Variants in EBF1 observed in about 807,000 individuals in gnomAD.
The protein encoded by EBF1 is transcription factor COE1.
A neutral mutation model predicts 68.4 loss-of-function variants in EBF1; 10 were observed. The observed-to-expected ratio is 0.15, with a 90% confidence interval of 0.09 to 0.25. The LOEUF (loss-of-function observed/expected upper bound fraction) is 0.25, where lower values mean the gene tolerates loss of function less well. EBF1 is among the 10% of genes least tolerant of loss of function. The pLI is 1.00. For synonymous variants in EBF1, 298 were observed against 299.8 expected (o/e 0.99, Z 0.06); for missense variants, 509 against 794.4 (o/e 0.64, Z 4.32).
chr5:158,733,432 G>A (rs1404137950), intron 10 of EBF1, among the ~76,000 whole-genome samples: 2 of 152,156 alleles, frequency 1.3e-5, no homozygotes, highest in African/African-American at 4.8e-5. Flanking sequence ...ATGACTGTCT[G>A]ATGTATGGCG....
At chr5:158,862,914 T>A (rs1036345681) in intron 6 of EBF1, among the ~76,000 whole-genome samples, 17 of 152,218 alleles carry the variant, frequency 1.1e-4, no homozygotes, top group African/African-American at 3.9e-4. Flanking sequence ...CTTGAACGAT[T>A]GAATTCTACA....
intron 6 of EBF1, among the ~76,000 whole-genome samples, chr5:159,050,776 A>G (rs1000123853): frequency 1.3e-5 from 2 of 152,220 alleles, no homozygotes; most frequent in African/African-American, 4.8e-5. Flanking sequence ...GCAAACTCAG[A>G]AGAAACCCAG....
chr5:159,066,479 T>C (rs924488433), intron 6 of EBF1, among the ~76,000 whole-genome samples: 1 of 152,178 alleles, frequency 6.6e-6, no homozygotes, highest in African/African-American at 2.4e-5. Flanking sequence ...ATTTCATAGA[T>C]GGAACGCCAA....
At chr5:158,708,195 G>A (rs1230781145) in intron 14 of EBF1, 22 bp from the exon 15 acceptor site, 2 of 1,559,454 alleles carry the variant, frequency 1.3e-6, no homozygotes, top group Non-Finnish European at 1.7e-6. Context: ...AATGAGAAAG[G>A]AGAAATCAGT....
At chr5:158,772,704 T>C (rs983767915) in intron 10 of EBF1, among the ~76,000 whole-genome samples, 1 of 152,140 alleles carries the variant, frequency 6.6e-6, no homozygotes, top group African/African-American at 2.4e-5. Flanking sequence ...CCAAAAGACA[T>C]TTCTTAGATT....
At chr5:158,876,206 C>A (rs1797783517) in intron 6 of EBF1, among the ~76,000 whole-genome samples, 1 of 152,172 alleles carries the variant, frequency 6.6e-6, no homozygotes, top group Non-Finnish European at 1.5e-5. Context: ...CAAGTATTTA[C>A]AGTGAGCTTG....
intron 10 of EBF1, among the ~76,000 whole-genome samples, chr5:158,774,732 G>A (rs1275650426): frequency 6.6e-6 from 1 of 152,112 alleles, no homozygotes; most frequent in Non-Finnish European, 1.5e-5. Flanking sequence ...GAGGTAAACT[G>A]AGTAAATCAC....
chr5:159,071,576 G>A (rs1208333853), intron 6 of EBF1, among the ~76,000 whole-genome samples: 1 of 152,130 alleles, frequency 6.6e-6, no homozygotes, highest in Non-Finnish European at 1.5e-5. Context: ...CAGGGGCCGG[G>A]CTAATTACAG....
chr5:158,803,048 A>G (rs1173034020), intron 8 of EBF1, among the ~76,000 whole-genome samples: 1 of 152,164 alleles, frequency 6.6e-6, no homozygotes, highest in Non-Finnish European at 1.5e-5. Flanking sequence ...TGTTTTTTTA[A>G]GGATCTCATT....
chr5:159,035,263 C>T (rs1189200334), intron 6 of EBF1, among the ~76,000 whole-genome samples: 2 of 151,658 alleles, frequency 1.3e-5, no homozygotes, highest in Non-Finnish European at 2.9e-5. Flanking sequence ...CTCTAAATCA[C>T]CAAAAATTTT....
At chr5:158,806,489 T>C (rs1269736906) in intron 8 of EBF1, among the ~76,000 whole-genome samples, 6 of 152,122 alleles carry the variant, frequency 3.9e-5, no homozygotes, top group Non-Finnish European at 7.4e-5. Flanking sequence ...TCACTCACCC[T>C]GGCTCTTGGC....
At chr5:158,712,868 T>A in intron 13 of EBF1, 102 bp downstream of exon 13, 1 of 1,178,594 alleles carries the variant, frequency 8.5e-7, no homozygotes. Context: ...ATCTCCCTTT[T>A]GGGATGAAAA....
chr5:159,078,598 T>C (rs1326115727), intron 5 of EBF1, among the ~76,000 whole-genome samples: 2 of 152,214 alleles, frequency 1.3e-5, no homozygotes, highest in African/African-American at 4.8e-5. Flanking sequence ...CTTGCAAGGC[T>C]TGGAGTTTCC....
intron 6 of EBF1, among the ~76,000 whole-genome samples, chr5:158,913,443 C>T (rs1456047694): frequency 2.6e-5 from 4 of 152,140 alleles, no homozygotes; most frequent in African/African-American, 9.7e-5. Flanking sequence ...TGAGAATTTT[C>T]CATCAGTGTT....
chr5:158,967,341 C>A (rs1407069095), intron 6 of EBF1, among the ~76,000 whole-genome samples: 1 of 152,140 alleles, frequency 6.6e-6, no homozygotes, highest in Non-Finnish European at 1.5e-5. Context: ...GAATTATGGA[C>A]CAGAATCAAT....
intron 8 of EBF1, among the ~76,000 whole-genome samples, chr5:158,819,310 G>T (rs1003153124): frequency 1.3e-5 from 2 of 152,106 alleles, no homozygotes; most frequent in Non-Finnish European, 2.9e-5. Flanking sequence ...CACTTCTCCC[G>T]GCATTCTATG....
Position 158,696,627 on chromosome 5 carries a change from T to C in EBF1, c.*2484A>G, listed in dbSNP as rs1340152965. On this transcript the variant is annotated 3_prime_UTR_variant, in exon 16 of 16. Transcript: ENST00000313708. ...CAATGCGTCCACCTTGCTTACATTT[T>C]CCAGTTTTTTTTATTATTATTAGTC... The C allele has an allele frequency of 2.8e-5, 6 of 216,896 alleles. No individual in the cohort carries two copies. The highest frequency in any genetic ancestry group is 3.7e-5 in the Non-Finnish European group (4 of 107,708). 13.4% of individuals were successfully genotyped at this position (216,896 alleles called of 1,614,324 possible).
chr5:158,916,868 T>A (rs1276890468), intron 6 of EBF1, among the ~76,000 whole-genome samples: 6 of 152,182 alleles, frequency 3.9e-5, no homozygotes, highest in Admixed American at 3.9e-4. Flanking sequence ...GGAGCCATTG[T>A]CTCCCCTTCC....
At chr5:158,711,527 A>G (rs1266037759) in intron 14 of EBF1, among the ~76,000 whole-genome samples, 1 of 152,192 alleles carries the variant, frequency 6.6e-6, no homozygotes, top group Non-Finnish European at 1.5e-5. Context: ...TACAGATGAG[A>G]AAATTGAGGC....
Sources: allele counts gnomAD v4.1 joint callset (sites outside exome capture counted in the v4.1 genomes callset), GRCh38; gene constraint gnomAD v4.1.1; transcripts MANE v1.5; gene names NCBI Gene and HGNC (gene_info 2026-07-23, HGNC 2026-07-21).